NAALADL2: variants seen among roughly 807,000 people sequenced by gnomAD.
The protein encoded by NAALADL2 is inactive N-acetylated-alpha-linked acidic dipeptidase-like protein 2.
NAALADL2 carries 76 observed loss-of-function variants against 87.2 expected under a neutral mutation model. The ratio of observed to expected loss-of-function variants is 0.87; its 90% CI spans 0.72 to 1.05. The LOEUF is 1.05. Among genes scored for constraint, NAALADL2 ranks in the 50% least tolerant of loss-of-function variants. The probability of loss-of-function intolerance (pLI) is 0.00; values close to 1 mark genes in which losing one functional copy is unlikely to be tolerated. For missense variants in NAALADL2, 1,089 were observed against 945.8 expected (o/e 1.15, Z -1.99); for synonymous variants, 354 against 331.0 (o/e 1.07, Z -0.75).
intron 2 of NAALADL2, among the ~76,000 whole-genome samples, chr3:175,121,904 C>T (rs978422686): frequency 6.6e-6 from 1 of 151,764 alleles, no homozygotes; most frequent in Non-Finnish European, 1.5e-5. Flanking sequence ...AAGCTTCTAC[C>T]ACTTTTTACT....
chr3:174,825,299 C>T (rs1560261522), intron 3 of NAALADL2, among the ~76,000 whole-genome samples: 1 of 126,504 alleles, frequency 7.9e-6, no homozygotes, highest in African/African-American at 2.9e-5. Context: ...AGTCCAAGGC[C>T]TAAGGCCTGA....
intron 4 of NAALADL2, among the ~76,000 whole-genome samples, chr3:175,277,862 G>A: frequency 6.6e-6 from 1 of 152,036 alleles, no homozygotes; most frequent in Non-Finnish European, 1.5e-5. Flanking sequence ...CTCAAATTCT[G>A]TGCTAACTAC....
At chr3:175,514,952 C>CA (rs1731640687) in intron 9 of NAALADL2, among the ~76,000 whole-genome samples, 1 of 152,066 alleles carries the variant, frequency 6.6e-6, no homozygotes, top group South Asian at 2.1e-4. Flanking sequence ...TCTGAATTAC[C>CA]CATGGAGCTA....
intron 9 of NAALADL2, among the ~76,000 whole-genome samples, chr3:175,545,553 G>T (rs1034214224): frequency 1.3e-5 from 2 of 151,918 alleles, no homozygotes; most frequent in Non-Finnish European, 2.9e-5. Flanking sequence ...TTCTGTGATT[G>T]TTTAATAAGA....
chr3:174,502,678 C>A (rs957870152), intron 1 of NAALADL2, among the ~76,000 whole-genome samples: 2 of 152,080 alleles, frequency 1.3e-5, no homozygotes, highest in African/African-American at 4.8e-5. Flanking sequence ...TTTTCAGCAA[C>A]ATTATACTTT....
At chr3:174,685,641 G>T (rs1727959469) in intron 2 of NAALADL2, among the ~76,000 whole-genome samples, 1 of 151,932 alleles carries the variant, frequency 6.6e-6, no homozygotes, top group East Asian at 1.9e-4. Context: ...TGGCTTTTTG[G>T]CCTGTGTTTT....
At chr3:174,865,880 C>G (rs545908147) in intron 1 of NAALADL2, among the ~76,000 whole-genome samples, 100 of 151,890 alleles carry the variant, frequency 6.6e-4, no homozygotes, top group African/African-American at 2.3e-3. Flanking sequence ...TTATTTCCCC[C>G]CTCTTTGGAA....
intron 1 of NAALADL2, among the ~76,000 whole-genome samples, chr3:174,492,915 A>G (rs1035875428): frequency 2.6e-5 from 4 of 152,186 alleles, no homozygotes; most frequent in African/African-American, 9.7e-5. Context: ...CCTGGACTAA[A>G]ATCAATTCAG....
intron 11 of NAALADL2, among the ~76,000 whole-genome samples, chr3:175,628,568 A>G (rs1297039265): frequency 6.7e-6 from 1 of 148,726 alleles, no homozygotes; most frequent in Admixed American, 6.8e-5. Flanking sequence ...GATAGACTTT[A>G]TAGAGAATAT....
intron 5 of NAALADL2, among the ~76,000 whole-genome samples, chr3:175,372,951 A>G (rs1246017194): frequency 6.6e-6 from 1 of 152,226 alleles, no homozygotes; most frequent in Admixed American, 6.5e-5. Flanking sequence ...AGAACAGGAC[A>G]TAGTATTACG....
chr3:175,093,588 T>C (rs1048125970), intron 1 of NAALADL2, among the ~76,000 whole-genome samples: 10 of 149,060 alleles, frequency 6.7e-5, no homozygotes, highest in African/African-American at 2.4e-4. Flanking sequence ...TTACATGTAT[T>C]TGATATATAA....
chr3:175,585,754 G>T (rs1720457379), intron 10 of NAALADL2, among the ~76,000 whole-genome samples: 1 of 151,892 alleles, frequency 6.6e-6, no homozygotes, highest in African/African-American at 2.4e-5. Flanking sequence ...AAGATATGAT[G>T]ACGATTTTCC....
At chr3:174,892,737 A>C (rs1220751713) in intron 1 of NAALADL2, among the ~76,000 whole-genome samples, 2 of 152,068 alleles carry the variant, frequency 1.3e-5, no homozygotes, top group African/African-American at 4.8e-5. Context: ...GACCCTGGGC[A>C]TCATGGTGAA....
intron 10 of NAALADL2, among the ~76,000 whole-genome samples, chr3:175,626,836 T>G (rs1445671372): frequency 6.6e-6 from 1 of 151,886 alleles, no homozygotes; most frequent in Non-Finnish European, 1.5e-5. Flanking sequence ...CTTCTAAGTC[T>G]ACGTGTGTTT....
chr3:175,176,164 A>T (rs1362585820), intron 2 of NAALADL2, among the ~76,000 whole-genome samples: 1 of 152,030 alleles, frequency 6.6e-6, no homozygotes, highest in East Asian at 1.9e-4. Context: ...GTGGCCAGAG[A>T]GCTGTAACTC....
At chr3:175,046,426 CTAT>C (rs2108996513) in intron 1 of NAALADL2, among the ~76,000 whole-genome samples, 1 of 152,108 alleles carries the variant, frequency 6.6e-6, no homozygotes, top group Non-Finnish European at 1.5e-5. Context: ...TTTCATAAAT[CTAT>C]TGTTGTCCAT....
chr3:175,512,383 A>G (rs1295931302), intron 9 of NAALADL2, among the ~76,000 whole-genome samples: 1 of 152,160 alleles, frequency 6.6e-6, no homozygotes, highest in African/African-American at 2.4e-5. Flanking sequence ...CACCAATTTA[A>G]TAAAAGAATA....
At chr3:174,734,134 A>T (rs1732970181) in intron 2 of NAALADL2, among the ~76,000 whole-genome samples, 1 of 152,108 alleles carries the variant, frequency 6.6e-6, no homozygotes, top group South Asian at 2.1e-4. Context: ...ATTATCATTA[A>T]TTTCTTGCAT....
chr3:174,588,191 G>A (rs540067490), intron 2 of NAALADL2, among the ~76,000 whole-genome samples: 4 of 152,204 alleles, frequency 2.6e-5, no homozygotes, highest in Middle Eastern at 3.4e-3. Flanking sequence ...CATGCGTCAC[G>A]TAGTTCTCGT....
Sources: gnomAD v4.1 joint callset for allele counts (sites outside exome capture counted in the v4.1 genomes callset) on GRCh38, gnomAD v4.1.1 for gene constraint, MANE v1.5 for transcripts, NCBI Gene and HGNC (gene_info 2026-07-23, HGNC 2026-07-21) for gene names.